The following SLC19A1 variants were observed in gnomAD, a reference collection of about 807,000 sequenced individuals.
SLC19A1 encodes the protein solute carrier family 19 member 1, also known as reduced folate transporter.
Under a neutral mutation model 35.3 loss-of-function variants are expected in SLC19A1, and 37 were observed. The observed-to-expected ratio is 1.05, with a 90% CI of 0.81 to 1.38. The LOEUF (loss-of-function observed/expected upper bound fraction) is 1.38. SLC19A1 is among the 40% of genes most tolerant of loss of function. The pLI, the probability that SLC19A1 is intolerant of heterozygous loss-of-function variation, is 0.00. For synonymous variants in SLC19A1, 460 were observed against 398.5 expected (o/e 1.15, Z -1.84); for missense variants, 831 against 826.9 (o/e 1.00, Z -0.06).
At chr21:45,506,043 G>C in intron 3 of SLC19A1, 1 of 1,606,780 alleles carries the variant, frequency 6.2e-7, no homozygotes, top group East Asian at 2.2e-5. Context: ...AAGGCGAGAG[G>C]CTCAGGCCCC....
In SLC19A1 at chr21:45,515,269, G is replaced by A. The variant is rs2037840481; in HGVS notation, c.*389C>T. 1.3e-6 allele frequency: 2 copies of A among 1,489,202 alleles called. No homozygotes were observed. 92.2% of individuals were successfully genotyped at this position (1,489,202 alleles called of 1,614,324 possible). The stretch of plus-strand genomic sequence containing the variant: ...TCCCGGCTCCCACCCTGCCCTAGAG[G>A]GCTCACAACTCCTGTGGGGCCAGTG... On this transcript the variant is annotated 3_prime_UTR_variant, in exon 6 of 6. Coordinates refer to ENST00000311124, the MANE Select transcript of SLC19A1 (RefSeq NM_194255.4).
chr21:45,531,999 G>A lies in SLC19A1; in HGVS notation c.339C>T (p.Gly113=). Residue 113 remains glycine (G), a synonymous_variant, in exon 3 of 6, where the codon GGC becomes GGT. Coordinates refer to ENST00000311124, the MANE Select transcript of SLC19A1 (RefSeq NM_194255.4). The part of the protein sequence containing the change: ...FVSVWLLLLL[G]HSVAHMQLME... ...TGAGCTGCATGTGCGCCACCGAGTG[G>A]CCCAGCAGCAGCAGCAGCCACACCG... is the stretch of plus-strand genomic sequence containing the variant. 6.2e-7 allele frequency: 1 copy of A among 1,609,958 alleles called. No homozygotes were observed. Among genetic ancestry groups the A allele is most frequent in the South Asian group, 1.1e-5 (1 of 91,014 alleles).
At chr21:45,562,458 A>G (rs956321126) in intron 1 of SLC19A1, among the ~76,000 whole-genome samples, 2 of 152,220 alleles carry the variant, frequency 1.3e-5, no homozygotes, top group African/African-American at 4.8e-5. Context: ...TCCCCCATGA[A>G]ACAACTGAAA....
In SLC19A1 at chr21:45,505,392, G is replaced by A. The variant is rs552556415; in HGVS notation, c.498-6780C>T. On this transcript the variant is annotated intron_variant, in intron 3 of 4. Coordinates refer to the SLC19A1 transcript ENST00000417954. ...TTCCCGGCCCTCCGGGCCCCCCTGG[G>A]CCCCCTGGGCCCCCTGGAACCATGG... The A allele has an allele frequency of 3.8e-6, 6 of 1,576,652 alleles. No homozygotes were observed. Among genetic ancestry groups the A allele is most frequent in the East Asian group, 4.5e-5 (2 of 44,434 alleles).
rs9974983 is a variant in SLC19A1, at chr21:45,556,656, T to C, written c.-50+6086A>G. Among the ~76,000 whole-genome samples the C allele has an allele frequency of 5.9e-3, 895 of 152,192 alleles. 11 individuals carry two copies. Among genetic ancestry groups the C allele is most frequent in the African/African-American group, 0.02 (843 of 41,538 alleles). On this transcript the variant is annotated intron_variant, in intron 1 of 5. Coordinates refer to the SLC19A1 transcript ENST00000650808. Reference sequence around the variant, plus strand: ...TCTGCAGCCATAGCACCAGGAGACATGGGGTGGGGGCCAGGGACATGGCCG... The same window carrying C: ...TCTGCAGCCATAGCACCAGGAGACACGGGGTGGGGGCCAGGGACATGGCCG...
chr21:45,550,923 C>CCCG (rs555622717), intron 1 of SLC19A1, among the ~76,000 whole-genome samples: 1 of 115,944 alleles, frequency 8.6e-6, no homozygotes, highest in Non-Finnish European at 1.7e-5. Flanking sequence ...ACCCTCCCCC[C>CCCG]GCCTCCCCAC....
At chr21:45,526,080 C>T (rs2077606546) in intron 4 of SLC19A1, 122 bp from the exon 5 acceptor site, 1 of 1,019,060 alleles carries the variant, frequency 9.8e-7, no homozygotes, top group Non-Finnish European at 1.4e-6. Context: ...GGTCCCAGGG[C>T]ACGCACAAGC....
intron 3 of SLC19A1, 85 bp downstream of exon 3, chr21:45,531,304 C>A: frequency 4.7e-6 from 7 of 1,504,752 alleles, no homozygotes; most frequent in Non-Finnish European, 6.2e-6. Context: ...GGAGAGGGAG[C>A]CTCCGGGGGA....
Position 45,515,698 on chromosome 21 carries a change from T to C in SLC19A1, c.1736A>G (p.Gln579Arg). ...HPPGVSKLGLQCLPSDGVQNV... is the reference protein window; with the variant it reads ...HPPGVSKLGLRCLPSDGVQNV... ...CTGAACACCGTCGCTTGGAAGACAC[T>C]GCAAACCCAGCTTGCTGACACCAGG... The change falls in exon 6 of 6, where the codon CAG (glutamine) becomes CGG (arginine). Residue 579 changes from glutamine (Q) to arginine (R), a missense_variant. Physicochemically the swap from Gln to Arg is conservative, Grantham distance 43. Coordinates refer to ENST00000311124, the MANE Select transcript of SLC19A1 (RefSeq NM_194255.4). 1.2e-6 allele frequency: 2 copies of C among 1,613,732 alleles called. No individual in the cohort carries two copies. The highest frequency in any genetic ancestry group is 3.3e-5 in the Admixed American group (2 of 60,020).
At chr21:45,556,680 C>T (rs560426403) in intron 1 of SLC19A1, among the ~76,000 whole-genome samples, 11 of 152,334 alleles carry the variant, frequency 7.2e-5, no homozygotes, top group South Asian at 6.2e-4. Context: ...GGGACATGGC[C>T]GGAGCTGCCA....
chr21:45,530,429 T>C lies in SLC19A1; in HGVS notation c.1151+341A>G, dbSNP rs1044820492. Among the ~76,000 whole-genome samples the C allele has an allele frequency of 1.3e-5, 2 of 152,100 alleles. No homozygotes were observed. The highest frequency in any genetic ancestry group is 2.9e-5 in the Non-Finnish European group (2 of 68,008). On this transcript the variant is annotated intron_variant, in intron 4 of 5. Coordinates refer to ENST00000311124, the MANE Select transcript of SLC19A1 (RefSeq NM_194255.4). The surrounding 1 kb of genome is among the most constrained non-coding windows in gnomAD (Gnocchi z 5.3). ...GTGAGTGCCTGGTGTGAGTGTAAGC[T>C]GAGGATGAACTCACACAGGTGCAAG... is the stretch of plus-strand genomic sequence containing the variant.
chr21:45,557,911 G>T (rs1196803075), intron 1 of SLC19A1, among the ~76,000 whole-genome samples: 1 of 152,242 alleles, frequency 6.6e-6, no homozygotes, highest in Non-Finnish European at 1.5e-5. Flanking sequence ...GGGAGTGATA[G>T]TGTGATGCTC....
intron 1 of SLC19A1, among the ~76,000 whole-genome samples, chr21:45,551,224 G>A (rs747310768): frequency 4.4e-4 from 67 of 151,586 alleles, no homozygotes; most frequent in African/African-American, 1.6e-3. Flanking sequence ...CTCCAGCCTG[G>A]GCGACAAGAG....
intron 3 of SLC19A1, chr21:45,507,062 T>TGGGAGGGCTGGGTGCTGGGCA (rs2037250552): frequency 3.0e-6 from 1 of 329,632 alleles, no homozygotes; most frequent in African/African-American, 2.2e-5. Flanking sequence ...AAACGCGTGC[T>TGGGAGGGCTGGGTGCTGGGCA]GGGAGGGCTG....
intron 3 of SLC19A1, chr21:45,506,231 G>T (rs527369360): frequency 2.0e-6 from 1 of 500,620 alleles, no homozygotes; most frequent in Non-Finnish European, 3.6e-6. Context: ...CACAGTGAAC[G>T]TTTACAAAGA....
At chr21:45,532,265 G>A in intron 2 of SLC19A1, 117 bp from the exon 3 acceptor site, 1 of 801,444 alleles carries the variant, frequency 1.2e-6, no homozygotes, top group South Asian at 1.7e-5. Flanking sequence ...TGCCTGGTGG[G>A]ACCCCTCTCC....
intron 4 of SLC19A1, among the ~76,000 whole-genome samples, chr21:45,528,557 G>A (rs2077732804): frequency 6.6e-6 from 1 of 152,178 alleles, no homozygotes; most frequent in South Asian, 2.1e-4. Flanking sequence ...AAGCCCGCAT[G>A]CCGGCCTGCA....
intron 1 of SLC19A1, among the ~76,000 whole-genome samples, chr21:45,541,476 G>A (rs2078301549): frequency 6.6e-6 from 1 of 152,250 alleles, no homozygotes; most frequent in South Asian, 2.1e-4. Context: ...ATGCATTCTG[G>A]ATTTCGGGGC....
chr21:45,526,728 T>A (rs962233578), intron 4 of SLC19A1, among the ~76,000 whole-genome samples: 2 of 152,242 alleles, frequency 1.3e-5, no homozygotes, highest in Non-Finnish European at 2.9e-5. Flanking sequence ...CGCGCCATCA[T>A]GCCCAGCTAA....
Sources: gnomAD v4.1 joint callset for allele counts (sites outside exome capture counted in the v4.1 genomes callset) on GRCh38, gnomAD v4.1.1 for gene constraint, Gnocchi (gnomAD v3.1) non-coding constraint, MANE v1.5 for transcripts, NCBI Gene and HGNC (gene_info 2026-07-23, HGNC 2026-07-21) for gene names.